The following CRYZL1 variants were observed in gnomAD, a reference collection of about 807,000 sequenced individuals.
The protein encoded by CRYZL1 is ferry endosomal RAB5 effector complex subunit 4.
In CRYZL1, 34 loss-of-function variants were observed where a neutral mutation model predicts 50.6. The ratio of observed to expected loss-of-function variants is 0.67; its 90% confidence interval spans 0.51 to 0.89. The LOEUF is 0.89. CRYZL1 is among the 40% of genes least tolerant of loss of function. CRYZL1 has a pLI of 0.00. For missense variants in CRYZL1, 354 were observed against 402.3 expected (o/e 0.88, Z 1.03); for synonymous variants, 125 against 134.3 (o/e 0.93, Z 0.48).
chr21:33,641,213 T>A (rs907953803), intron 1 of CRYZL1: 15 of 1,550,550 alleles, frequency 9.7e-6, no homozygotes, highest in Non-Finnish European at 1.2e-5. Context: ...TTTAGCATAA[T>A]GAAGAGGGCC....
intron 11 of CRYZL1, among the ~76,000 whole-genome samples, chr21:33,593,707 G>A (rs1388322875): frequency 6.6e-6 from 1 of 152,140 alleles, no homozygotes; most frequent in Non-Finnish European, 1.5e-5. Context: ...CTACAGCCGG[G>A]AGTGGTGGCC....
chr21:33,640,289 T>C, intron 1 of CRYZL1: 1 of 1,498,138 alleles, frequency 6.7e-7, no homozygotes, highest in Non-Finnish European at 9.0e-7. Context: ...CTAAACGTCT[T>C]ATCCCCTGCT....
chr21:33,641,362 G>C, intron 1 of CRYZL1: 1 of 1,511,464 alleles, frequency 6.6e-7, no homozygotes, highest in Non-Finnish European at 8.8e-7. Flanking sequence ...ACAAGAAGCA[G>C]AGGAGAAAAA....
intron 1 of CRYZL1, among the ~76,000 whole-genome samples, chr21:33,640,963 G>A (rs1022212853): frequency 2.0e-5 from 3 of 152,194 alleles, no homozygotes; most frequent in African/African-American, 7.2e-5. Flanking sequence ...TAGGCTAAAT[G>A]AAACATATAA....
intron 4 of CRYZL1, among the ~76,000 whole-genome samples, chr21:33,621,288 A>C (rs1315991006): frequency 6.6e-6 from 1 of 151,512 alleles, no homozygotes; most frequent in East Asian, 1.9e-4. Flanking sequence ...CACTAACACT[A>C]AATGACAGCT....
intron 6 of CRYZL1, among the ~76,000 whole-genome samples, chr21:33,613,264 G>C (rs557815069): frequency 1.3e-5 from 2 of 152,274 alleles, no homozygotes; most frequent in East Asian, 3.9e-4. Flanking sequence ...TAAGAGCCAA[G>C]AGAGAAATCA....
At chr21:33,626,572 C>T (rs2087066407) in intron 2 of CRYZL1, among the ~76,000 whole-genome samples, 1 of 151,816 alleles carries the variant, frequency 6.6e-6, no homozygotes, top group Non-Finnish European at 1.5e-5. Context: ...TTGCGCATGC[C>T]TGTAGTCCCA....
At position 33,599,287 on chromosome 21, in the gene CRYZL1, T is replaced by C. The variant is rs766861602; in HGVS notation, c.578-39A>G. The stretch of plus-strand genomic sequence containing the variant: ...GAAATCAGGCAATTGTACTGTTCTC[T>C]ATGTGATCAACACAAACAAATCAGG... On this transcript the variant is annotated intron_variant, in intron 8 of 12. Coordinates refer to ENST00000381554, the MANE Select transcript of CRYZL1 (RefSeq NM_145858.3). 7 of 1,613,296 alleles carry C rather than the reference T, an allele frequency of 4.3e-6. No homozygotes were observed. The Admixed American group carries it at 1.2e-4, about 27-fold the overall frequency.
At chr21:33,599,624 G>A (rs944246118) in intron 8 of CRYZL1, among the ~76,000 whole-genome samples, 2 of 109,836 alleles carry the variant, frequency 1.8e-5, no homozygotes, top group African/African-American at 7.2e-5. Context: ...TGAAATGGAA[G>A]ATTAAGTCAG....
chr21:33,638,077 T>C (rs1413561423), intron 1 of CRYZL1, among the ~76,000 whole-genome samples: 1 of 152,054 alleles, frequency 6.6e-6, no homozygotes, highest in Non-Finnish European at 1.5e-5. Flanking sequence ...TATTCACACA[T>C]TGGAAAAAGA....
Position 33,613,590 on chromosome 21 carries a change from G to A in CRYZL1, c.279C>T (p.Asp93=). ...CTTCACAAAGTCCAGGGTCTTCAGA[G>A]TCCAGGGGCAAAATTCCTAAAAATC... ...DDEVVGILPL[D]SEDPGLCEVV... is the part of the protein sequence containing the mutation. Residue 93 remains aspartate, a synonymous_variant, in exon 6 of 13, where the codon GAC becomes GAT. Coordinates refer to ENST00000381554, the MANE Select transcript of CRYZL1 (RefSeq NM_145858.3). The A allele has an allele frequency of 6.2e-7, 1 of 1,612,780 alleles. No individual in the cohort carries two copies. Among genetic ancestry groups the A allele is most frequent in the South Asian group, 1.1e-5 (1 of 91,048 alleles).
chr21:33,616,769 T>TC lies in CRYZL1; in HGVS notation c.218-20_218-19insG. On this transcript the variant is annotated intron_variant, in intron 4 of 12. Transcript: ENST00000381554. ...CTTCCAACTAAAGAGTGAAGAAAAT[T>TC]AATAGTTAATATTACAAGTTTATTA... 6.4e-7 allele frequency: 1 copy of TC among 1,560,714 alleles called. No individual in the cohort carries two copies. The highest frequency in any genetic ancestry group is 8.7e-7 in the Non-Finnish European group (1 of 1,144,994).
intron 1 of CRYZL1, among the ~76,000 whole-genome samples, chr21:33,637,926 C>T (rs958869268): frequency 6.6e-6 from 1 of 151,784 alleles, no homozygotes; most frequent in African/African-American, 2.4e-5. Flanking sequence ...ACCCATCCAT[C>T]GTTGGGACCT....
chr21:33,631,687 T>C (rs1050703866), intron 1 of CRYZL1, 130 bp from the exon 2 acceptor site: 5 of 484,358 alleles, frequency 1.0e-5, no homozygotes, highest in Non-Finnish European at 1.6e-5. Context: ...TAAGTAAATT[T>C]AAAAAATCTT....
At chr21:33,613,627 T>G (rs1170708247) in intron 5 of CRYZL1, 21 bp from the exon 6 acceptor site, 1 of 1,567,120 alleles carries the variant, frequency 6.4e-7, no homozygotes, top group Admixed American at 1.7e-5. Context: ...AAACAAGAAA[T>G]TAAAGGGATG....
chr21:33,589,972 A>C, intron 12 of CRYZL1, 51 bp from the exon 13 acceptor site: 3 of 1,060,396 alleles, frequency 2.8e-6, no homozygotes, highest in Non-Finnish European at 4.3e-6. Context: ...GATAAGTAGA[A>C]CAAACAGGGT....
chr21:33,610,673 T>C (rs1028883005), intron 6 of CRYZL1, among the ~76,000 whole-genome samples: 1 of 151,904 alleles, frequency 6.6e-6, no homozygotes, highest in African/African-American at 2.4e-5. Flanking sequence ...TTCTGGTCCA[T>C]GTCATAATTC....
intron 1 of CRYZL1, among the ~76,000 whole-genome samples, chr21:33,634,206 C>G (rs1445589277): frequency 6.6e-6 from 1 of 152,188 alleles, no homozygotes; most frequent in Non-Finnish European, 1.5e-5. Context: ...AGAACCGAAG[C>G]ATGGATACAA....
At chr21:33,614,151 G>A (rs987906632) in intron 5 of CRYZL1, among the ~76,000 whole-genome samples, 5 of 141,162 alleles carry the variant, frequency 3.5e-5, no homozygotes, top group East Asian at 2.1e-4. Flanking sequence ...CAGCCCGGCC[G>A]ACAGTGCGAG....
Sources: allele counts gnomAD v4.1 joint callset (sites outside exome capture counted in the v4.1 genomes callset), GRCh38; gene constraint gnomAD v4.1.1; transcripts MANE v1.5; gene names NCBI Gene and HGNC (gene_info 2026-07-23, HGNC 2026-07-21).